SLC10A7: variants seen among roughly 807,000 people sequenced by gnomAD.
SLC10A7 encodes solute carrier family 10 member 7, also known as sodium/bile acid cotransporter 7.
In SLC10A7, 29 loss-of-function variants were observed where a neutral mutation model predicts 43.2. That is an observed-to-expected ratio of 0.67 (90% CI 0.50 to 0.92). The LOEUF (loss-of-function observed/expected upper bound fraction) is 0.92, where lower values mean the gene tolerates loss of function less well. Ranked by LOEUF, SLC10A7 falls within the 40% of genes least tolerant of loss-of-function variation. The pLI is 0.00. For missense variants in SLC10A7, 295 were observed against 403.2 expected (o/e 0.73, Z 2.30); for synonymous variants, 152 against 144.8 (o/e 1.05, Z -0.35).
chr4:146,308,759 A>G (rs964936912), intron 6 of SLC10A7, among the ~76,000 whole-genome samples: 12 of 152,326 alleles, frequency 7.9e-5, no homozygotes, highest in African/African-American at 2.2e-4. Context: ...TAAGCAAACA[A>G]TCCAGTCCCT....
At chr4:146,464,734 T>C (rs1579256578) in intron 4 of SLC10A7, among the ~76,000 whole-genome samples, 1 of 152,076 alleles carries the variant, frequency 6.6e-6, no homozygotes, top group African/African-American at 2.4e-5. Flanking sequence ...AGTAGTCATT[T>C]CTGGAGGAAA....
intron 5 of SLC10A7, among the ~76,000 whole-genome samples, chr4:146,411,300 T>G (rs947104624): frequency 1.3e-5 from 2 of 152,150 alleles, no homozygotes; most frequent in African/African-American, 4.8e-5. Flanking sequence ...AGCCAGACTA[T>G]GAGATGGAAA....
chr4:146,354,052 A>G (rs944766140), intron 5 of SLC10A7, among the ~76,000 whole-genome samples: 14 of 146,514 alleles, frequency 9.6e-5, no homozygotes, highest in Non-Finnish European at 3.0e-5. Context: ...ATCAGGCAGG[A>G]GAAGGAAATA....
chr4:146,294,204 T>C (rs1730630766), intron 7 of SLC10A7, 109 bp from the exon 8 acceptor site: 2 of 860,580 alleles, frequency 2.3e-6, no homozygotes, highest in Non-Finnish European at 3.3e-6. Flanking sequence ...AGAGAATAAT[T>C]TGGCTGATGG....
rs575570364 is a variant in SLC10A7, at chr4:146,416,482, A to G, written c.435+26301T>C. ...TTCTTCACCTGACTCTATTTGAGAA[A>G]CTCTGCTAGGATATCAATGAGCCTC... is the stretch of plus-strand genomic sequence containing the variant. On this transcript the variant is annotated intron_variant, in intron 5 of 11. Coordinates refer to ENST00000335472, the MANE Select transcript of SLC10A7 (RefSeq NM_001029998.6). Among the ~76,000 whole-genome samples, 29 of 152,276 alleles carry G rather than the reference A, an allele frequency of 1.9e-4. No homozygotes were observed. In the East Asian group the frequency reaches 5.6e-3, roughly 29 times the overall value.
chr4:146,465,716 A>G (rs978407539), intron 4 of SLC10A7, among the ~76,000 whole-genome samples: 2 of 152,156 alleles, frequency 1.3e-5, no homozygotes, highest in Non-Finnish European at 2.9e-5. Context: ...GGAAGCTTGA[A>G]GCATCAGGTA....
intron 5 of SLC10A7, among the ~76,000 whole-genome samples, chr4:146,374,148 A>T (rs1736992640): frequency 6.6e-6 from 1 of 152,164 alleles, no homozygotes; most frequent in African/African-American, 2.4e-5. Context: ...AAATTATTTA[A>T]TCTCTTTGAA....
chr4:146,361,548 C>T (rs1736049963), intron 5 of SLC10A7, among the ~76,000 whole-genome samples: 1 of 152,120 alleles, frequency 6.6e-6, no homozygotes, highest in South Asian at 2.1e-4. Flanking sequence ...GCTGAAATGG[C>T]TGCAGTGAGC....
At chr4:146,499,618 T>C (rs1736215080) in intron 4 of SLC10A7, among the ~76,000 whole-genome samples, 1 of 152,214 alleles carries the variant, frequency 6.6e-6, no homozygotes, top group African/African-American at 2.4e-5. Flanking sequence ...TCATTTCATA[T>C]CAGAAGGTAG....
At chr4:146,381,359 C>A (rs1737609784) in intron 5 of SLC10A7, among the ~76,000 whole-genome samples, 1 of 152,092 alleles carries the variant, frequency 6.6e-6, no homozygotes, top group African/African-American at 2.4e-5. Flanking sequence ...GGAACCCTCC[C>A]CTCACCCCCA....
intron 4 of SLC10A7, among the ~76,000 whole-genome samples, chr4:146,462,923 A>T (rs970634022): frequency 1.3e-5 from 2 of 152,316 alleles, no homozygotes; most frequent in East Asian, 1.9e-4. Context: ...TAGCCCAAAC[A>T]TTCTTATGTA....
intron 5 of SLC10A7, among the ~76,000 whole-genome samples, chr4:146,331,495 A>C (rs567741983): frequency 6.6e-6 from 1 of 152,186 alleles, no homozygotes; most frequent in African/African-American, 2.4e-5. Context: ...CTAATTTAGC[A>C]TACTTATTTC....
At chr4:146,292,850 G>A (rs1352478341) in intron 9 of SLC10A7, 79 bp downstream of exon 9, 3 of 990,536 alleles carry the variant, frequency 3.0e-6, no homozygotes, top group African/African-American at 3.3e-5. Flanking sequence ...ATATAAACGT[G>A]TATAGTGGCA....
intron 6 of SLC10A7, among the ~76,000 whole-genome samples, chr4:146,319,117 G>A (rs924740778): frequency 6.6e-6 from 1 of 152,012 alleles, no homozygotes; most frequent in Admixed American, 6.6e-5. Flanking sequence ...ATGGTTTCCT[G>A]TCTCTCTCAA....
chr4:146,415,762 C>T (rs374871740), intron 5 of SLC10A7, among the ~76,000 whole-genome samples: 3 of 152,156 alleles, frequency 2.0e-5, no homozygotes, highest in Non-Finnish European at 4.4e-5. Context: ...GTAAAGTATA[C>T]TTTGAGTTCA....
At chr4:146,264,850 C>A (rs1728457027) in intron 10 of SLC10A7, among the ~76,000 whole-genome samples, 1 of 152,208 alleles carries the variant, frequency 6.6e-6, no homozygotes, top group Non-Finnish European at 1.5e-5. Flanking sequence ...TCAGTTTTCA[C>A]TGCCATCTTC....
At chr4:146,285,978 GAGA>G (rs1729887715) in intron 9 of SLC10A7, among the ~76,000 whole-genome samples, 1 of 151,522 alleles carries the variant, frequency 6.6e-6, no homozygotes, top group African/African-American at 2.4e-5. Context: ...TTGGAGTGGT[GAGA>G]AGGACTGTGT....
intron 5 of SLC10A7, among the ~76,000 whole-genome samples, chr4:146,350,821 C>G (rs1439025000): frequency 2.5e-5 from 3 of 122,172 alleles, no homozygotes; most frequent in African/African-American, 7.1e-5. Flanking sequence ...AGCTGAGGGT[C>G]CTGTCTGTTA....
At chr4:146,264,429 A>G (rs1054937097) in intron 10 of SLC10A7, among the ~76,000 whole-genome samples, 8 of 152,106 alleles carry the variant, frequency 5.3e-5, no homozygotes, top group African/African-American at 1.9e-4. Flanking sequence ...TTCAGAGCTT[A>G]CTTACTTGTG....
Sources: gnomAD v4.1 joint callset for allele counts (sites outside exome capture counted in the v4.1 genomes callset) on GRCh38, gnomAD v4.1.1 for gene constraint, MANE v1.5 for transcripts, NCBI Gene and HGNC (gene_info 2026-07-23, HGNC 2026-07-21) for gene names.